ALG5: variants seen among roughly 807,000 people sequenced by gnomAD.
ALG5 encodes the protein dolichyl-phosphate beta-glucosyltransferase.
In ALG5, 26 loss-of-function variants were observed where a neutral mutation model predicts 51.8. That is an observed-to-expected ratio of 0.50 (90% CI 0.37 to 0.70). The LOEUF is 0.70. ALG5 is among the 30% of genes least tolerant of loss of function. The pLI, the probability that ALG5 is intolerant of heterozygous loss-of-function variation, is 0.00. For synonymous variants in ALG5, 141 were observed against 136.1 expected, an observed-to-expected ratio of 1.04 and a Z score of -0.25; for missense variants, 311 against 399.3, an observed-to-expected ratio of 0.78 and a Z score of 1.88.
chr13:36,987,181 A>G (rs2059005675), intron 5 of ALG5, among the ~76,000 whole-genome samples: 1 of 152,164 alleles, frequency 6.6e-6, no homozygotes, highest in African/African-American at 2.4e-5. Flanking sequence ...TATTCTGGAT[A>G]CCACTGCATG....
intron 8 of ALG5, among the ~76,000 whole-genome samples, chr13:36,960,355 CA>C (rs1189916746): frequency 2.6e-5 from 4 of 151,902 alleles, no homozygotes; most frequent in African/African-American, 9.7e-5. Flanking sequence ...AAAGAAATAG[CA>C]AAAAACAGTT....
intron 6 of ALG5, among the ~76,000 whole-genome samples, chr13:36,978,862 G>A (rs983521551): frequency 4.0e-5 from 6 of 149,878 alleles, no homozygotes; most frequent in African/African-American, 1.5e-4. Context: ...GCTGCAGTGA[G>A]CTGAGATTGT....
chr13:36,958,269 GA>G (rs578195713), intron 8 of ALG5, among the ~76,000 whole-genome samples: 1 of 152,024 alleles, frequency 6.6e-6, no homozygotes, highest in South Asian at 2.1e-4. Flanking sequence ...TGGCTTCCTG[GA>G]AATACTGATG....
chr13:36,962,715 C>A (rs571010261), intron 8 of ALG5, among the ~76,000 whole-genome samples: 13 of 152,166 alleles, frequency 8.5e-5, no homozygotes, highest in East Asian at 3.9e-4. Flanking sequence ...AAGAAAAAAA[C>A]CCCATTAATG....
intron 1 of ALG5, among the ~76,000 whole-genome samples, chr13:36,997,035 C>G (rs1012444282): frequency 7.0e-4 from 106 of 152,178 alleles, no homozygotes; most frequent in African/African-American, 2.4e-3. Context: ...AAAAACACAT[C>G]GAGTATGTAT....
intron 8 of ALG5, among the ~76,000 whole-genome samples, chr13:36,955,605 A>G (rs1220667412): frequency 2.6e-5 from 4 of 151,364 alleles, no homozygotes; most frequent in Non-Finnish European, 5.9e-5. Context: ...CTAGAAAAGA[A>G]GAGAGAAGAT....
intron 6 of ALG5, among the ~76,000 whole-genome samples, chr13:36,979,974 G>T (rs2138812472): frequency 6.6e-6 from 1 of 152,240 alleles, no homozygotes. Flanking sequence ...TTGAACCCTG[G>T]AAGCAGAGGT....
chr13:36,982,169 A>G (rs1429782756), intron 6 of ALG5, among the ~76,000 whole-genome samples: 1 of 152,222 alleles, frequency 6.6e-6, no homozygotes, highest in African/African-American at 2.4e-5. Flanking sequence ...CACATGGAAA[A>G]CAGCTTTGAC....
At chr13:36,983,620 A>G (rs551228513) in intron 6 of ALG5, among the ~76,000 whole-genome samples, 9 of 152,276 alleles carry the variant, frequency 5.9e-5, no homozygotes, top group African/African-American at 1.4e-4. Context: ...AATGTGGCCA[A>G]TGAAACTGAG....
intron 8 of ALG5, among the ~76,000 whole-genome samples, chr13:36,956,304 G>A (rs1308985745): frequency 1.3e-5 from 2 of 152,226 alleles, no homozygotes; most frequent in Admixed American, 1.3e-4. Context: ...TGTCAGAATG[G>A]CCATTATAAA....
intron 6 of ALG5, among the ~76,000 whole-genome samples, chr13:36,972,902 GA>G (rs2058932087): frequency 1.4e-5 from 2 of 148,014 alleles, no homozygotes; most frequent in Admixed American, 1.4e-4. Flanking sequence ...TGAGGCAGGA[GA>G]ATGGCGTGAA....
At chr13:36,977,376 G>T (rs2058956751) in intron 6 of ALG5, among the ~76,000 whole-genome samples, 1 of 152,130 alleles carries the variant, frequency 6.6e-6, no homozygotes, top group African/African-American at 2.4e-5. Context: ...AGTGAGGCAG[G>T]TGTGGTGGCA....
intron 1 of ALG5, among the ~76,000 whole-genome samples, chr13:36,997,937 A>G (rs867299846): frequency 4.6e-5 from 7 of 152,190 alleles, no homozygotes; most frequent in African/African-American, 1.4e-4. Flanking sequence ...ACACGAGCTC[A>G]TTTCTCCAAC....
chr13:36,988,380 CA>C (rs2059011245), intron 5 of ALG5, among the ~76,000 whole-genome samples: 1 of 152,198 alleles, frequency 6.6e-6, no homozygotes, highest in Non-Finnish European at 1.5e-5. Flanking sequence ...CTTTCTGTTT[CA>C]TATATCCTGT....
intron 8 of ALG5, among the ~76,000 whole-genome samples, chr13:36,964,945 T>C (rs887944026): frequency 6.8e-6 from 1 of 146,882 alleles, no homozygotes; most frequent in Non-Finnish European, 1.5e-5. Flanking sequence ...TGATGAGGCA[T>C]GGAAGAAAAT....
At chr13:36,973,665 G>A (rs1011454369) in intron 6 of ALG5, among the ~76,000 whole-genome samples, 2 of 151,956 alleles carry the variant, frequency 1.3e-5, no homozygotes, top group African/African-American at 4.8e-5. Context: ...AAAAAACTGG[G>A]GGAAAATATT....
At chr13:36,960,180 T>C (rs907391701) in intron 8 of ALG5, among the ~76,000 whole-genome samples, 1 of 152,170 alleles carries the variant, frequency 6.6e-6, no homozygotes, top group African/African-American at 2.4e-5. Flanking sequence ...AAAAAATAAT[T>C]ATTTTAAAAC....
intron 4 of ALG5, among the ~76,000 whole-genome samples, chr13:36,991,768 C>CT (rs1037520299): frequency 5.9e-5 from 9 of 151,390 alleles, no homozygotes; most frequent in Non-Finnish European, 4.4e-5. Context: ...AGAGATGATT[C>CT]TTTTTTTTTG....
intron 5 of ALG5, 56 bp from the exon 6 acceptor site, chr13:36,985,796 A>T: frequency 8.6e-7 from 1 of 1,162,656 alleles, no homozygotes; most frequent in Non-Finnish European, 1.3e-6. Context: ...GTTAAATTCA[A>T]TGACACTTCA....
Sources: allele counts gnomAD v4.1 joint callset (sites outside exome capture counted in the v4.1 genomes callset), GRCh38; gene constraint gnomAD v4.1.1; transcripts MANE v1.5; gene names NCBI Gene and HGNC (gene_info 2026-07-23, HGNC 2026-07-21).